SIPA1L1: variants seen among roughly 807,000 people sequenced by gnomAD.
The protein encoded by SIPA1L1 is signal-induced proliferation-associated 1-like protein 1.
A neutral mutation model predicts 162.7 loss-of-function variants in SIPA1L1; 26 were observed. That is an observed-to-expected ratio of 0.16 (90% CI 0.12 to 0.22). The LOEUF is 0.22. SIPA1L1 is among the 10% of genes least tolerant of loss of function. The probability of loss-of-function intolerance (pLI) is 1.00; values close to 1 mark genes in which losing one functional copy is unlikely to be tolerated. For missense variants in SIPA1L1, 1,874 were observed against 2,241.0 expected (o/e 0.84, Z 3.31); for synonymous variants, 829 against 837.4 (o/e 0.99, Z 0.17).
intron 4 of SIPA1L1, among the ~76,000 whole-genome samples, chr14:71,547,292 CTTTTTT>C (rs753714304): frequency 2.7e-5 from 3 of 111,278 alleles, no homozygotes; most frequent in Admixed American, 9.9e-5. Context: ...ATGAAAATAA[CTTTTTT>C]TTTTTTTTTT....
intron 12 of SIPA1L1, among the ~76,000 whole-genome samples, chr14:71,678,158 C>A (rs894829422): frequency 6.6e-6 from 1 of 152,142 alleles, no homozygotes; most frequent in Non-Finnish European, 1.5e-5. Context: ...ATTGCCCCGG[C>A]CAGAACTTCC....
At chr14:71,514,276 T>C (rs773123604) in intron 3 of SIPA1L1, among the ~76,000 whole-genome samples, 2 of 151,952 alleles carry the variant, frequency 1.3e-5, no homozygotes, top group Non-Finnish European at 2.9e-5. Flanking sequence ...TCCCTTGGAG[T>C]GGGTTGTCTG....
intron 2 of SIPA1L1, among the ~76,000 whole-genome samples, chr14:71,365,907 T>TTTTTTTTTTTTG (rs71105773): frequency 7.1e-6 from 1 of 140,030 alleles, no homozygotes; most frequent in Admixed American, 7.3e-5. Context: ...TTTTTTTTTT[T>TTTTTTTTTTTTG]AAGAGATGGG....
intron 4 of SIPA1L1, among the ~76,000 whole-genome samples, chr14:71,571,629 TTTA>T (rs994910358): frequency 7.2e-6 from 1 of 138,706 alleles, no homozygotes; most frequent in African/African-American, 3.1e-5. Flanking sequence ...AACTGGATGG[TTTA>T]TTTATTTATT....
At chr14:71,666,554 G>A (rs1034582539) in intron 10 of SIPA1L1, among the ~76,000 whole-genome samples, 1 of 152,130 alleles carries the variant, frequency 6.6e-6, no homozygotes, top group South Asian at 2.1e-4. Flanking sequence ...GTAATAAGTA[G>A]TCATAACAAG....
intron 13 of SIPA1L1, among the ~76,000 whole-genome samples, chr14:71,696,594 A>G (rs898368354): frequency 6.6e-6 from 1 of 152,242 alleles, no homozygotes; most frequent in African/African-American, 2.4e-5. Flanking sequence ...GGGGCATCTG[A>G]CATAACTATG....
At chr14:71,583,208 C>T (rs1214090154) in intron 4 of SIPA1L1, among the ~76,000 whole-genome samples, 1 of 152,172 alleles carries the variant, frequency 6.6e-6, no homozygotes, top group Non-Finnish European at 1.5e-5. Flanking sequence ...CTAGGCTGGT[C>T]TCAAATTCTT....
intron 2 of SIPA1L1, among the ~76,000 whole-genome samples, chr14:71,422,655 A>G (rs2043273615): frequency 6.6e-6 from 1 of 152,222 alleles, no homozygotes; most frequent in East Asian, 1.9e-4. Context: ...CATGTGTAAG[A>G]ATTTCCTTCT....
At chr14:71,562,901 C>T (rs1276173066) in intron 4 of SIPA1L1, among the ~76,000 whole-genome samples, 1 of 152,102 alleles carries the variant, frequency 6.6e-6, no homozygotes, top group Admixed American at 6.5e-5. Context: ...GTGATCCGCC[C>T]GCCTCGGCTT....
At chr14:71,413,082 G>C (rs762169357) in intron 2 of SIPA1L1, among the ~76,000 whole-genome samples, 1 of 152,178 alleles carries the variant, frequency 6.6e-6, no homozygotes, top group Non-Finnish European at 1.5e-5. Context: ...GGAGGGGACT[G>C]TCCTGTGCAT....
intron 3 of SIPA1L1, among the ~76,000 whole-genome samples, chr14:71,514,885 A>G (rs982258456): frequency 1.2e-4 from 19 of 152,206 alleles, no homozygotes; most frequent in African/African-American, 4.3e-4. Context: ...ATATCAATAG[A>G]TTTTAGACTA....
intron 2 of SIPA1L1, among the ~76,000 whole-genome samples, chr14:71,363,731 T>G (rs2038018757): frequency 1.3e-5 from 2 of 152,192 alleles, no homozygotes; most frequent in Admixed American, 6.5e-5. Context: ...AGATTTTATT[T>G]CCTAACTATA....
At chr14:71,530,389 T>G (rs1169128636) in intron 4 of SIPA1L1, among the ~76,000 whole-genome samples, 1 of 151,534 alleles carries the variant, frequency 6.6e-6, no homozygotes, top group Non-Finnish European at 1.5e-5. Flanking sequence ...CAACTTGTGC[T>G]GTGAATGCTA....
intron 9 of SIPA1L1, among the ~76,000 whole-genome samples, chr14:71,660,276 G>GT (rs2043398896): frequency 6.6e-6 from 1 of 152,068 alleles, no homozygotes; most frequent in South Asian, 2.1e-4. Flanking sequence ...CATAACGTCT[G>GT]TTTGTATATC....
chr14:71,675,400 A>G (rs2045038891), intron 12 of SIPA1L1, among the ~76,000 whole-genome samples: 1 of 152,140 alleles, frequency 6.6e-6, no homozygotes, highest in African/African-American at 2.4e-5. Flanking sequence ...GAAAAGCCAT[A>G]CAGTTTCCAT....
At chr14:71,442,542 T>C (rs2044982392) in intron 2 of SIPA1L1, among the ~76,000 whole-genome samples, 1 of 152,168 alleles carries the variant, frequency 6.6e-6, no homozygotes, top group Non-Finnish European at 1.5e-5. Flanking sequence ...ATTTTTTTCT[T>C]TGTGTTGTAC....
intron 10 of SIPA1L1, among the ~76,000 whole-genome samples, chr14:71,666,813 G>A (rs1333845715): frequency 1.3e-5 from 2 of 150,768 alleles, no homozygotes; most frequent in Non-Finnish European, 2.9e-5. Context: ...CATAGGCAGG[G>A]AGGAAGCGTG....
intron 4 of SIPA1L1, among the ~76,000 whole-genome samples, chr14:71,580,645 A>G (rs1263203095): frequency 1.3e-5 from 2 of 152,192 alleles, no homozygotes; most frequent in Non-Finnish European, 2.9e-5. Flanking sequence ...GGGATTTAGC[A>G]CAAGAACATC....
chr14:71,382,417 A>G (rs569637639), intron 2 of SIPA1L1, among the ~76,000 whole-genome samples: 1 of 152,354 alleles, frequency 6.6e-6, no homozygotes, highest in South Asian at 2.1e-4. Flanking sequence ...ACTTTGTCCC[A>G]CCTTTTGTAA....
Sources: allele counts gnomAD v4.1 joint callset (sites outside exome capture counted in the v4.1 genomes callset), GRCh38; gene constraint gnomAD v4.1.1; transcripts MANE v1.5; gene names NCBI Gene and HGNC (gene_info 2026-07-23, HGNC 2026-07-21).